The following KLC1 variants were observed in gnomAD, a reference collection of about 807,000 sequenced individuals.
KLC1 encodes the protein kinesin light chain 1.
Under a neutral mutation model 84.2 loss-of-function variants are expected in KLC1, and 30 were observed. The ratio of observed to expected loss-of-function variants is 0.36; its 90% CI spans 0.27 to 0.48. KLC1 has a LOEUF of 0.48. Ranked by LOEUF, KLC1 falls within the 20% of genes least tolerant of loss-of-function variation. The pLI is 0.99. For missense variants in KLC1, 499 were observed against 805.4 expected, an observed-to-expected ratio of 0.62 and a Z score of 4.60; for synonymous variants, 289 against 293.3, an observed-to-expected ratio of 0.99 and a Z score of 0.15.
At chr14:103,673,291 A>C (rs1217432361) in intron 8 of KLC1, 41 bp from the exon 9 acceptor site, 1 of 1,546,486 alleles carries the variant, frequency 6.5e-7, no homozygotes, top group South Asian at 1.2e-5. Flanking sequence ...CTTTATTTAC[A>C]TCTGAAAGAT....
At chr14:103,671,392 C>T (rs749853008) in intron 7 of KLC1, among the ~76,000 whole-genome samples, 6 of 151,128 alleles carry the variant, frequency 4.0e-5, no homozygotes, top group South Asian at 2.1e-4. Context: ...TTTTCTGAAA[C>T]GGAGTCTTGC....
chr14:103,692,898 G>A lies in KLC1; in HGVS notation c.1848+473G>A, dbSNP rs185642408. 9.0e-4 allele frequency among the ~76,000 whole-genome samples: 137 copies of A among 152,328 alleles called. 1 individual carries two copies. Among genetic ancestry groups the A allele is most frequent in the Middle Eastern group, 3.4e-3 (1 of 294 alleles). ...TTGACACTAAAACCTGAAGCACTCG[G>A]TGCAGTTGCTCGGGCCTCACACAGA... is the stretch of plus-strand genomic sequence containing the variant. On this transcript the variant is annotated intron_variant, in intron 15 of 16. Coordinates refer to ENST00000334553, the MANE Select transcript of KLC1 (RefSeq NM_001394837.1).
intron 1 of KLC1, among the ~76,000 whole-genome samples, chr14:103,631,856 C>T (rs1025732353): frequency 1.3e-5 from 2 of 152,096 alleles, no homozygotes; most frequent in Non-Finnish European, 2.9e-5. Flanking sequence ...GCCTCAGCCT[C>T]CCAAAGTGCT....
chr14:103,670,740 A>T (rs114454163), intron 7 of KLC1, among the ~76,000 whole-genome samples: 2,359 of 152,102 alleles, frequency 0.016, 78 homozygotes, highest in African/African-American at 0.053. Flanking sequence ...TTAATTAGAG[A>T]ATAGCCCACA....
intron 1 of KLC1, among the ~76,000 whole-genome samples, chr14:103,639,054 TATA>T (rs748007628): frequency 1.6e-4 from 25 of 152,220 alleles, no homozygotes; most frequent in Non-Finnish European, 2.8e-4. Flanking sequence ...AAATGGGAAT[TATA>T]ATGATAGGTC....
intron 1 of KLC1, among the ~76,000 whole-genome samples, chr14:103,630,428 G>A (rs549635207): frequency 5.3e-5 from 8 of 152,250 alleles, no homozygotes; most frequent in African/African-American, 1.7e-4. Flanking sequence ...CAAAAATGAT[G>A]TTTTTTAAAA....
At chr14:103,637,778 C>G (rs2077162228) in intron 1 of KLC1, among the ~76,000 whole-genome samples, 1 of 152,070 alleles carries the variant, frequency 6.6e-6, no homozygotes, top group South Asian at 2.1e-4. Flanking sequence ...ACAGTCGTGG[C>G]TCAGTGCAGC....
intron 1 of KLC1, 123 bp from the exon 2 acceptor site, chr14:103,654,441 A>G (rs2151490780): frequency 2.9e-6 from 2 of 692,234 alleles, no homozygotes; most frequent in Non-Finnish European, 4.5e-6. Context: ...GTCATAAATT[A>G]CAAATGTGCA....
chr14:103,631,092 T>G (rs1430207328), intron 1 of KLC1, among the ~76,000 whole-genome samples: 1 of 152,142 alleles, frequency 6.6e-6, no homozygotes, highest in South Asian at 2.1e-4. Flanking sequence ...ACATTTTTTT[T>G]TTTTTTGAGA....
In KLC1 at chr14:103,700,729, T is replaced by G; in HGVS notation, c.*1+2T>G. The G allele has an allele frequency of 1.3e-6, 2 of 1,591,852 alleles. No homozygotes were observed. Among genetic ancestry groups the G allele is most frequent in the South Asian group, 1.1e-5 (1 of 88,932 alleles). The stretch of plus-strand genomic sequence containing the variant: ...GGCCTGGAAGACGCCACCGCTAACG[T>G]GAGTCCCACGGCCTGCAGCCCCAGG... On this transcript the variant is annotated splice_donor_variant, in intron 16 of 16. Coordinates refer to ENST00000334553, the MANE Select transcript of KLC1 (RefSeq NM_001394837.1). LOFTEE classifies it low-confidence loss of function (3UTR_SPLICE).
At chr14:103,683,322 C>T (rs1176396133) in intron 13 of KLC1, 1 of 152,206 alleles carries the variant, frequency 6.6e-6, no homozygotes, top group African/African-American at 2.4e-5. Flanking sequence ...GATTAAACTA[C>T]TTGACAGCGG....
intron 1 of KLC1, among the ~76,000 whole-genome samples, chr14:103,637,781 A>C (rs565152743): frequency 2.6e-4 from 39 of 152,066 alleles, no homozygotes; most frequent in Non-Finnish European, 4.9e-4. Context: ...GTCGTGGCTC[A>C]GTGCAGCCTC....
intron 1 of KLC1, among the ~76,000 whole-genome samples, chr14:103,638,271 T>TA (rs1296106337): frequency 6.6e-6 from 1 of 152,194 alleles, no homozygotes; most frequent in Non-Finnish European, 1.5e-5. Flanking sequence ...CATAGGAACT[T>TA]TATTTAACAC....
chr14:103,685,062 G>A, intron 13 of KLC1: 1 of 1,549,198 alleles, frequency 6.5e-7, no homozygotes, highest in Non-Finnish European at 8.7e-7. Flanking sequence ...CGGGGCGCAG[G>A]CCCTGCCGTC....
rs2078940829 is a variant in KLC1, at chr14:103,657,859, C to T, written c.492+83C>T. The T allele has an allele frequency of 1.1e-5, 11 of 1,003,120 alleles. No individual in the cohort carries two copies. In the South Asian group the frequency reaches 1.6e-4, roughly 15 times the overall value. 62.1% of individuals were successfully genotyped at this position (1,003,120 alleles called of 1,614,324 possible). A position where few individuals can be genotyped will look rare whatever the true frequency, so the allele number is the denominator to read the frequency against. ...TCATAGAGGTTCTGTTTGCCATATT[C>T]TTTTCATATTAGAACATATTAGAAC... On this transcript the variant is annotated intron_variant, in intron 3 of 16. Transcript: ENST00000334553.
chr14:103,634,932 G>A (rs2076942837), intron 1 of KLC1, among the ~76,000 whole-genome samples: 1 of 152,174 alleles, frequency 6.6e-6, no homozygotes, highest in Non-Finnish European at 1.5e-5. Flanking sequence ...GCTATTTCGA[G>A]ATGATCTTCA....
intron 1 of KLC1, among the ~76,000 whole-genome samples, chr14:103,632,573 A>G (rs148241305): frequency 6.6e-6 from 1 of 151,444 alleles, no homozygotes; most frequent in East Asian, 2.0e-4. Context: ...AAAAAAACCA[A>G]AACCGGGTGT....
chr14:103,696,710 T>A, intron 15 of KLC1: 1 of 985,496 alleles, frequency 1.0e-6, no homozygotes, highest in Non-Finnish European at 1.2e-6. Flanking sequence ...TTACAATTAG[T>A]TCCCCAACTC....
At chr14:103,696,388 T>G (rs985342973) in intron 15 of KLC1, 1 of 985,292 alleles carries the variant, frequency 1.0e-6, no homozygotes, top group African/African-American at 1.7e-5. Context: ...ACATCGTTGT[T>G]TTCTGGATTA....
Sources: allele counts gnomAD v4.1 joint callset (sites outside exome capture counted in the v4.1 genomes callset), GRCh38; gene constraint gnomAD v4.1.1; transcripts MANE v1.5; gene names NCBI Gene and HGNC (gene_info 2026-07-23, HGNC 2026-07-21).